DUOX2: variants seen among roughly 807,000 people sequenced by gnomAD.
The protein encoded by DUOX2 is dual oxidase 2, also known as NADH/NADPH thyroid oxidase p138-tox.
In DUOX2, 185 loss-of-function variants were observed where a neutral mutation model predicts 183.3. The observed-to-expected ratio is 1.01, with a 90% confidence interval of 0.90 to 1.14. The LOEUF is 1.14. Among genes scored for constraint, DUOX2 ranks in the 50% most tolerant of loss-of-function variants. The probability of loss-of-function intolerance (pLI) is 0.00; values close to 1 mark genes in which losing one functional copy is unlikely to be tolerated. For missense variants in DUOX2, 1,999 were observed against 2,022.9 expected (o/e 0.99, Z 0.23); for synonymous variants, 788 against 812.4 (o/e 0.97, Z 0.51).
rs933808464 is a variant in DUOX2 at position 45,113,444 on chromosome 15, G to T, written c.-14-19C>A. 2.7e-5 allele frequency: 42 copies of T among 1,547,504 alleles called. No individual in the cohort carries two copies. The East Asian group carries it at 9.7e-4, about 36-fold the overall frequency. ...CTGCAGCCTGCGGGGTGAGGGTGGGGGTGGTAGGTGGTATGCGAAAGCCAC... is the reference window on the plus strand; with the variant it reads ...CTGCAGCCTGCGGGGTGAGGGTGGGTGTGGTAGGTGGTATGCGAAAGCCAC... On this transcript the variant is annotated intron_variant, in intron 1 of 33. Coordinates refer to ENST00000389039, the MANE Select transcript of DUOX2 (RefSeq NM_001363711.2).
chr15:45,112,230 G>C (rs1212412417), intron 4 of DUOX2, among the ~76,000 whole-genome samples: 2 of 152,180 alleles, frequency 1.3e-5, no homozygotes, highest in Non-Finnish European at 2.9e-5. Context: ...TCCTCCCTCT[G>C]GGCTAGGGGG....
In DUOX2 at chr15:45,104,073, T is replaced by A; in HGVS notation, c.2561-20A>T. ...GGGAGCCTGGGAAGAAAAAAGGGAA[T>A]GCAGGTCATCTCCTTGCTGAAAGAC... On this transcript the variant is annotated intron_variant, in intron 19 of 33. Coordinates refer to ENST00000389039, the MANE Select transcript of DUOX2 (RefSeq NM_001363711.2). The A allele has an allele frequency of 1.2e-6, 2 of 1,614,102 alleles. No homozygotes were observed. The highest frequency in any genetic ancestry group is 1.7e-6 in the Non-Finnish European group (2 of 1,179,990).
chr15:45,094,970 A>C lies in DUOX2; in HGVS notation c.4361T>G (p.Leu1454Arg), dbSNP rs1198850042. 6.2e-7 allele frequency: 1 copy of C among 1,613,996 alleles called. No homozygotes were observed. The highest frequency in any genetic ancestry group is 1.3e-5 in the African/African-American group (1 of 74,898). ...GGTCCTGAGGTCGAACTTCTCAGCC[A>C]GCTGGGTGACATAAATGTGCACAGA... Reference protein sequence around the residue: ...LVSVHIYVTQLAEKFDLRTTM... With the variant: ...LVSVHIYVTQRAEKFDLRTTM... Residue 1454 changes from leucine to arginine, a missense_variant, in exon 32 of 34, where the codon CTG becomes CGG. By Grantham distance (102) the Leu-to-Arg change is moderately radical. Transcript: ENST00000389039.
Position 45,104,273 on chromosome 15 carries a change from G to A in DUOX2, c.2427C>T (p.Ala809=), listed in dbSNP as rs369335936. 194 of 1,614,074 alleles carry A rather than the reference G, an allele frequency of 1.2e-4. No homozygotes were observed. Among genetic ancestry groups the A allele is most frequent in the South Asian group, 3.0e-4 (27 of 91,060 alleles). ...TGAGGCCCAGGGACTCGGCAAACTC[G>A]GCCCTGCTCAGCTCGCAGGTCAGGG... The part of the protein sequence containing the change: ...REALTCELSR[A]EFAESLGLKP... The change falls in exon 19 of 34, where the codon GCC becomes GCT. Residue 809 remains alanine, a synonymous_variant. Coordinates refer to ENST00000389039, the MANE Select transcript of DUOX2 (RefSeq NM_001363711.2).
rs1188052864 is a variant in DUOX2, at chr15:45,095,855, CT to C, written c.4052del (p.Lys1351ArgfsTer69). The stretch of plus-strand genomic sequence containing the variant: ...TTGGGTATCCAGCACAGCCATTGCC[CT>C]TTGGGGATGAGTAGATCTCCCTGAG... Reference protein sequence around the residue: ...TRLREIYSSPKGNGCAGYPKL... With the variant: ...TRLREIYSSPXGNGCAGYPKL... On this transcript the variant is annotated frameshift_variant, in exon 30 of 34. Coordinates refer to ENST00000389039, the MANE Select transcript of DUOX2 (RefSeq NM_001363711.2). LOFTEE classifies it high-confidence loss of function. 1.9e-6 allele frequency: 3 copies of C among 1,613,998 alleles called. No individual in the cohort carries two copies. Among genetic ancestry groups the C allele is most frequent in the Non-Finnish European group, 2.5e-6 (3 of 1,180,034 alleles).
Position 45,100,059 on chromosome 15 carries a change from G to A in DUOX2, c.3175C>T (p.Arg1059Cys), listed in dbSNP as rs145502900. The A allele has an allele frequency of 1.5e-4, 241 of 1,614,198 alleles. 1 individual carries two copies. In the Middle Eastern group the frequency reaches 2.3e-3, roughly 15 times the overall value. ...SAICVGVFAD[R>C]AYYYGFASPP... Reference sequence around the variant, plus strand: ...AGCCTGGAACTCTTACAGTAAGCACGATCTGCAAACACGCCAACACAGATG... The same window carrying A: ...AGCCTGGAACTCTTACAGTAAGCACAATCTGCAAACACGCCAACACAGATG... The change falls in exon 24 of 34, where the codon CGT becomes TGT. Residue 1059 changes from arginine to cysteine, a missense_variant. Arg to Cys is a radical substitution (Grantham distance 180). This residue lies in a region of DUOX2 where 1,628 missense variants were observed against 1,608.6 expected (regional missense o/e 1.01). Coordinates refer to ENST00000389039, the MANE Select transcript of DUOX2 (RefSeq NM_001363711.2).
chr15:45,097,875 G>C, intron 27 of DUOX2, 134 bp from the exon 28 acceptor site: 2 of 1,558,498 alleles, frequency 1.3e-6, no homozygotes, highest in East Asian at 2.2e-5. Flanking sequence ...CCTGCCTGGA[G>C]GGATTTGAGC....
chr15:45,111,915 G>C lies in DUOX2; in HGVS notation c.366C>G (p.Pro122=). 5.0e-6 allele frequency: 8 copies of C among 1,613,760 alleles called. No homozygotes were observed. The highest frequency in any genetic ancestry group is 6.8e-6 in the Non-Finnish European group (8 of 1,180,004). Residue 122 remains proline (P), a synonymous_variant, in exon 5 of 34, where the codon CCC becomes CCG. Coordinates refer to ENST00000389039, the MANE Select transcript of DUOX2 (RefSeq NM_001363711.2). The part of the protein sequence containing the change: ...VLSDVVSVET[P]GCPAEFLNIR... ...TGTTGAGGAACTCGGCGGGGCAACC[G>C]GGCGTTTCCACGCTCACCACGTCGG...
At position 45,106,934 on chromosome 15, in the gene DUOX2, CA is replaced by C; in HGVS notation, c.1728del (p.Asp577ThrfsTer9). On this transcript the variant is annotated frameshift_variant, in exon 15 of 34. Coordinates refer to ENST00000389039, the MANE Select transcript of DUOX2 (RefSeq NM_001363711.2). LOFTEE classifies it high-confidence loss of function. ...AGGGGTGCACACTGGGGCAGGCCGT[CA>C]GTTGTGAGCTGCTTAGGTTGAGGGC... ...APCPQPKQLT[T>X]DGLPQCAPLT... 6.3e-7 allele frequency: 1 copy of C among 1,579,706 alleles called. No individual in the cohort carries two copies. The highest frequency in any genetic ancestry group is 8.6e-7 in the Non-Finnish European group (1 of 1,163,124).
At chr15:45,109,777 T>A in intron 10 of DUOX2, 113 bp downstream of exon 10, 2 of 1,323,406 alleles carry the variant, frequency 1.5e-6, no homozygotes, top group Non-Finnish European at 2.2e-6. Context: ...CTACCCTTCA[T>A]CTCCCATGAA....
chr15:45,102,473 C>T (rs934900909), intron 20 of DUOX2, among the ~76,000 whole-genome samples: 1 of 152,204 alleles, frequency 6.6e-6, no homozygotes, highest in Admixed American at 6.5e-5. Flanking sequence ...CGTCTCCATG[C>T]CCAACCTGAT....
rs1474586028 is a variant in DUOX2 at position 45,108,793 on chromosome 15, G to A, written c.1394C>T (p.Pro465Leu). 1.2e-6 allele frequency: 2 copies of A among 1,614,230 alleles called. No individual in the cohort carries two copies. Among genetic ancestry groups the A allele is most frequent in the South Asian group, 2.2e-5 (2 of 91,072 alleles). ...NWSDLNPNVDPQVLEATAALY... is the reference protein window; with the variant it reads ...NWSDLNPNVDLQVLEATAALY... ...ATTATCATTACTATTCCTGACCTGG[G>A]GGTCCACATTAGGGTTGAGATCACT... is the stretch of plus-strand genomic sequence containing the variant. Residue 465 changes from proline (P) to leucine (L), a missense_variant, in exon 12 of 34, where the codon CCC (proline) becomes CTC (leucine). Coordinates refer to ENST00000389039, the MANE Select transcript of DUOX2 (RefSeq NM_001363711.2).
At chr15:45,097,981 C>G (rs1326957259) in intron 27 of DUOX2, 28 bp downstream of exon 27, 6 of 1,612,400 alleles carry the variant, frequency 3.7e-6, no homozygotes, top group Admixed American at 3.3e-5. Context: ...AGTCCTCAGA[C>G]AGAACCCCCA....
chr15:45,094,914 T>A lies in DUOX2; in HGVS notation c.4395+22A>T, dbSNP rs369718421. ...AATCCATCTGCCCGCCAAGTTGCCCTGCCTGGCGGGCCCTGACATACTAGC... is the reference window on the plus strand; with the variant it reads ...AATCCATCTGCCCGCCAAGTTGCCCAGCCTGGCGGGCCCTGACATACTAGC... On this transcript the variant is annotated intron_variant, in intron 32 of 33. Transcript: ENST00000389039. The A allele has an allele frequency of 1.1e-5, 18 of 1,613,036 alleles. No homozygotes were observed. In the African/African-American group the frequency reaches 1.5e-4, roughly 13 times the overall value.
At chr15:45,105,960 G>A in intron 17 of DUOX2, 132 bp from the exon 18 acceptor site, 1 of 1,394,784 alleles carries the variant, frequency 7.2e-7, no homozygotes. Flanking sequence ...GGCCAGGTGT[G>A]TGGACGAAGG....
rs113684942 is a variant in DUOX2 at position 45,104,091 on chromosome 15, T to C, written c.2561-38A>G. On this transcript the variant is annotated intron_variant, in intron 19 of 33. Transcript: ENST00000389039. Reference sequence around the variant, plus strand: ...AAGGGAATGCAGGTCATCTCCTTGCTGAAAGACCCCTGGATTCTTGGATAG... The same window carrying C: ...AAGGGAATGCAGGTCATCTCCTTGCCGAAAGACCCCTGGATTCTTGGATAG... 1.6e-3 allele frequency: 2,537 copies of C among 1,614,118 alleles called. 54 individuals are homozygous for C. In the African/African-American group the frequency reaches 0.024, roughly 15 times the overall value.
chr15:45,099,272 A>G (rs1566972467), intron 26 of DUOX2, 111 bp downstream of exon 26: 3 of 904,298 alleles, frequency 3.3e-6, no homozygotes, highest in East Asian at 2.8e-5. Flanking sequence ...GGCCTCCCAA[A>G]GTGCTGGGAT....
chr15:45,101,301 T>C, intron 21 of DUOX2, 27 bp from the exon 22 acceptor site: 1 of 1,603,210 alleles, frequency 6.2e-7, no homozygotes, highest in Middle Eastern at 1.7e-4. Flanking sequence ...GAGGCAGGAC[T>C]GGCTTCCCCA....
At chr15:45,109,414 G>T in intron 11 of DUOX2, 110 bp downstream of exon 11, 2 of 873,938 alleles carry the variant, frequency 2.3e-6, no homozygotes, top group South Asian at 1.3e-5. Context: ...GTCTGTGTTT[G>T]TATCTGTGTT....
Sources: allele counts gnomAD v4.1 joint callset (sites outside exome capture counted in the v4.1 genomes callset), GRCh38; gene constraint gnomAD v4.1.1; regional missense constraint gnomAD v4.1.1; transcripts MANE v1.5; gene names NCBI Gene and HGNC (gene_info 2026-07-23, HGNC 2026-07-21).